ANXA8: variants seen among roughly 807,000 people sequenced by gnomAD.
The protein encoded by ANXA8 is annexin A8.
A neutral mutation model predicts 26.8 loss-of-function variants in ANXA8; 9 were observed. The observed-to-expected ratio is 0.34, with a 90% CI of 0.20 to 0.59. The LOEUF is 0.59. ANXA8 is among the 20% of genes least tolerant of loss of function. The pLI is 0.84. For missense variants in ANXA8, 83 were observed against 238.5 expected (o/e 0.35, Z 4.29); for synonymous variants, 39 against 94.8 (o/e 0.41, Z 3.42).
the ANXA8 span, among the ~76,000 whole-genome samples, chr10:47,770,664 G>A: frequency 6.6e-6 from 1 of 151,226 alleles, no homozygotes; most frequent in African/African-American, 2.5e-5. Flanking sequence ...GTGCCTCAAA[G>A]TTGTGGCTGA....
the ANXA8 span, among the ~76,000 whole-genome samples, chr10:47,525,359 T>A: frequency 7.1e-6 from 1 of 141,246 alleles, no homozygotes. Flanking sequence ...TGAGCCAAGA[T>A]CGTGCCATGG....
the ANXA8 span, among the ~76,000 whole-genome samples, chr10:47,495,846 G>A: frequency 2.6e-5 from 4 of 151,354 alleles, no homozygotes; most frequent in African/African-American, 2.4e-5. Context: ...ACCCAGGGGG[G>A]AATCTTCACT....
the ANXA8 span, among the ~76,000 whole-genome samples, chr10:47,920,205 C>T: frequency 1.2e-5 from 1 of 86,650 alleles, no homozygotes; most frequent in African/African-American, 6.4e-5. Context: ...GGTGAATTCA[C>T]AGCTTGATCT....
upstream of ANXA8, among the ~76,000 whole-genome samples, chr10:47,488,695 T>C (rs1185493975): frequency 8.8e-5 from 12 of 136,308 alleles, no homozygotes; most frequent in Admixed American, 6.1e-4. Context: ...ACATTTAACA[T>C]AGAATTTTAC....
chr10:47,567,625 A>C, the ANXA8 span, among the ~76,000 whole-genome samples: 7,091 of 151,604 alleles, frequency 0.047, 277 homozygotes, highest in East Asian at 0.18. Context: ...CTCTGTCCCC[A>C]CCCACTCTTG....
the ANXA8 span, among the ~76,000 whole-genome samples, chr10:47,527,786 G>A: frequency 6.9e-6 from 1 of 143,936 alleles, no homozygotes; most frequent in Non-Finnish European, 1.5e-5. Flanking sequence ...GTATTAAAGG[G>A]AGATATGTGG....
the ANXA8 span, among the ~76,000 whole-genome samples, chr10:47,652,441 A>G: frequency 6.6e-6 from 1 of 151,552 alleles, no homozygotes; most frequent in African/African-American, 2.4e-5. Flanking sequence ...TATTAAAAAA[A>G]CAAAAATTGG....
chr10:47,945,409 C>T, the ANXA8 span, among the ~76,000 whole-genome samples: 2 of 150,956 alleles, frequency 1.3e-5, no homozygotes, highest in Admixed American at 1.3e-4. Context: ...CCTGAGGCGG[C>T]CTCACCCCAG....
chr10:47,691,220 T>C, the ANXA8 span: 1 of 1,482,606 alleles, frequency 6.7e-7, no homozygotes, highest in Non-Finnish European at 9.3e-7. Context: ...AGATATAATT[T>C]TACTCACGGG....
chr10:47,625,706 T>TA, the ANXA8 span, among the ~76,000 whole-genome samples: 7 of 152,064 alleles, frequency 4.6e-5, no homozygotes, highest in Admixed American at 3.3e-4. Context: ...TTCACCTACT[T>TA]ACTATATTTT....
the ANXA8 span, among the ~76,000 whole-genome samples, chr10:47,765,388 C>T: frequency 1.3e-5 from 2 of 151,496 alleles, no homozygotes; most frequent in Non-Finnish European, 1.5e-5. Context: ...CTATCTTGAC[C>T]CCTTCCCCCA....
chr10:47,702,608 T>C, the ANXA8 span, among the ~76,000 whole-genome samples: 4 of 151,558 alleles, frequency 2.6e-5, no homozygotes, highest in Admixed American at 2.0e-4. Flanking sequence ...CCCAAAGTGC[T>C]GAGATTGCAC....
the ANXA8 span, among the ~76,000 whole-genome samples, chr10:47,590,858 T>G: frequency 8.5e-6 from 1 of 117,674 alleles, no homozygotes; most frequent in Non-Finnish European, 1.6e-5. Flanking sequence ...ACGGCCCCAT[T>G]TCCTGAGGAC....
the ANXA8 span, chr10:47,491,689 C>T: frequency 1.3e-6 from 2 of 1,537,918 alleles, no homozygotes; most frequent in Admixed American, 3.9e-5. Flanking sequence ...TGGCAGCAGA[C>T]AGTGGCGAAC....
At chr10:47,720,694 A>G in the ANXA8 span, among the ~76,000 whole-genome samples, 3 of 141,196 alleles carry the variant, frequency 2.1e-5, no homozygotes, top group African/African-American at 7.9e-5. Flanking sequence ...CTAAATTCAG[A>G]TATATTCCAC....
the ANXA8 span, among the ~76,000 whole-genome samples, chr10:47,939,055 C>G: frequency 6.9e-6 from 1 of 145,278 alleles, no homozygotes; most frequent in Non-Finnish European, 1.5e-5. Context: ...GGCCACCACA[C>G]TCTCACTTTC....
At chr10:47,940,441 C>A in the ANXA8 span, among the ~76,000 whole-genome samples, 2 of 147,312 alleles carry the variant, frequency 1.4e-5, no homozygotes, top group Non-Finnish European at 3.0e-5. Context: ...CTCCAGAGGG[C>A]TCCAGCAACA....
intron 1 of ANXA8, among the ~76,000 whole-genome samples, chr10:47,481,172 C>G (rs1388975633): frequency 1.3e-4 from 11 of 81,682 alleles, no homozygotes; most frequent in African/African-American, 5.0e-4. Context: ...CACGATATCC[C>G]TTGCTTGTGG....
At chr10:47,544,105 G>A in the ANXA8 span, among the ~76,000 whole-genome samples, 1 of 151,872 alleles carries the variant, frequency 6.6e-6, no homozygotes, top group East Asian at 1.9e-4. Context: ...ACCCGGGCAC[G>A]AAGGCAGCAT....
Sources: gnomAD v4.1 joint callset for allele counts (sites outside exome capture counted in the v4.1 genomes callset) on GRCh38, gnomAD v4.1.1 for gene constraint, MANE v1.5 for transcripts, NCBI Gene and HGNC (gene_info 2026-07-23, HGNC 2026-07-21) for gene names.